The following SGPP1 variants were observed in gnomAD, a reference collection of about 807,000 sequenced individuals.
The protein encoded by SGPP1 is sphingosine-1-phosphate phosphatase 1.
SGPP1 carries 21 observed loss-of-function variants against 33.0 expected under a neutral mutation model. That is an observed-to-expected ratio of 0.64 (90% CI 0.45 to 0.92). SGPP1 has a LOEUF of 0.92. Among genes scored for constraint, SGPP1 ranks in the 40% least tolerant of loss-of-function variants. The pLI is 0.00. For missense variants in SGPP1, 543 were observed against 589.4 expected, an observed-to-expected ratio of 0.92 and a Z score of 0.81; for synonymous variants, 239 against 241.2, an observed-to-expected ratio of 0.99 and a Z score of 0.08.
chr14:63,688,752 C>T (rs1303603912), intron 2 of SGPP1, among the ~76,000 whole-genome samples: 2 of 146,138 alleles, frequency 1.4e-5, no homozygotes, highest in Admixed American at 6.9e-5. Flanking sequence ...GATGGAGTCT[C>T]GCTCTGTTGC....
chr14:63,690,227 T>G (rs1317868611), intron 2 of SGPP1, among the ~76,000 whole-genome samples: 4 of 152,326 alleles, frequency 2.6e-5, no homozygotes, highest in Admixed American at 2.6e-4. Context: ...GTATTTTTTG[T>G]AGACAAGGTT....
chr14:63,709,902 A>T (rs1243430397), intron 1 of SGPP1, among the ~76,000 whole-genome samples: 1 of 152,192 alleles, frequency 6.6e-6, no homozygotes, highest in Non-Finnish European at 1.5e-5. Context: ...CTTTCTCACT[A>T]TTATACATAA....
chr14:63,709,762 A>G (rs1345754542), intron 1 of SGPP1, among the ~76,000 whole-genome samples: 4 of 152,202 alleles, frequency 2.6e-5, no homozygotes, highest in Non-Finnish European at 5.9e-5. Flanking sequence ...AACAGATCAC[A>G]TGACATCCTA....
chr14:63,706,612 TC>T (rs925120586), intron 1 of SGPP1, among the ~76,000 whole-genome samples: 96 of 152,260 alleles, frequency 6.3e-4, no homozygotes, highest in African/African-American at 2.2e-3. Context: ...ACATAAGCCT[TC>T]AGCCACCAGC....
intron 1 of SGPP1, among the ~76,000 whole-genome samples, chr14:63,724,943 G>C (rs1034481933): frequency 2.0e-5 from 3 of 151,366 alleles, no homozygotes; most frequent in African/African-American, 7.3e-5. Context: ...CTTGAGCCCA[G>C]GAGTTCGAGA....
intron 1 of SGPP1, among the ~76,000 whole-genome samples, chr14:63,701,839 G>A (rs945471933): frequency 6.7e-6 from 1 of 148,586 alleles, no homozygotes; most frequent in Non-Finnish European, 1.5e-5. Flanking sequence ...TAACAGTGGT[G>A]TCTGTCTCTA....
chr14:63,698,232 G>A (rs1885226876), intron 2 of SGPP1, among the ~76,000 whole-genome samples: 1 of 152,160 alleles, frequency 6.6e-6, no homozygotes, highest in African/African-American at 2.4e-5. Context: ...AGCTCTCCTT[G>A]GTTTCTGTAG....
intron 1 of SGPP1, among the ~76,000 whole-genome samples, chr14:63,701,961 A>G (rs1885308801): frequency 6.6e-6 from 1 of 151,716 alleles, no homozygotes; most frequent in Admixed American, 6.6e-5. Context: ...AAAAAAAAAA[A>G]AAGTCAACTT....
intron 1 of SGPP1, among the ~76,000 whole-genome samples, chr14:63,721,926 G>A (rs1428876020): frequency 6.6e-6 from 1 of 152,114 alleles, no homozygotes; most frequent in Admixed American, 6.6e-5. Context: ...GTATATAAAA[G>A]CTATTCTCAT....
chr14:63,727,336 G>C lies in SGPP1; in HGVS notation c.609C>G (p.Ser203Arg). ...KLEVFYNSEY[S>R]MPSTHAMSGT... ...CGGACATGGCATGGGTGGAGGGCAT[G>C]CTGTACTCAGAGTTGTAGAAGACCT... Residue 203 changes from serine (S) to arginine (R), a missense_variant, in exon 1 of 3, where the codon AGC becomes AGG. Transcript: ENST00000247225. The C allele has an allele frequency of 6.2e-7, 1 of 1,614,162 alleles. No individual in the cohort carries two copies. Among genetic ancestry groups the C allele is most frequent in the Non-Finnish European group, 8.5e-7 (1 of 1,180,032 alleles).
At chr14:63,694,630 G>A (rs910462844) in intron 2 of SGPP1, among the ~76,000 whole-genome samples, 7 of 152,020 alleles carry the variant, frequency 4.6e-5, no homozygotes, top group Admixed American at 3.9e-4. Flanking sequence ...TCAAATTTAC[G>A]ACATAACCAT....
chr14:63,708,413 GC>G (rs2139644923), intron 1 of SGPP1, among the ~76,000 whole-genome samples: 2 of 150,862 alleles, frequency 1.3e-5, no homozygotes, highest in East Asian at 3.9e-4. Flanking sequence ...CCACCACCAT[GC>G]CCAGCTATTT....
Position 63,685,655 on chromosome 14 carries a change from ATC to A in SGPP1, c.*448_*449del, listed in dbSNP as rs1884955161. ...CCCATAGTAAATAAATGTTAAATAT[ATC>A]TGTTAATAACAACATACCTGTATGT... On this transcript the variant is annotated 3_prime_UTR_variant, in exon 3 of 3. Coordinates refer to ENST00000247225, the MANE Select transcript of SGPP1 (RefSeq NM_030791.4). 6.6e-6 allele frequency: 1 copy of A among 152,122 alleles called. No individual in the cohort carries two copies. Among genetic ancestry groups the A allele is most frequent in the Non-Finnish European group, 1.5e-5 (1 of 67,904 alleles). The allele number at this position is 152,122 out of a possible 1,614,324, so 9.4% of individuals were successfully genotyped here. A position where few individuals can be genotyped will look rare whatever the true frequency, so the allele number is the denominator to read the frequency against.
At position 63,687,970 on chromosome 14, in the gene SGPP1, A is replaced by T. The variant is rs1249677124; in HGVS notation, c.775-1314T>A. 2.0e-5 allele frequency among the ~76,000 whole-genome samples: 3 copies of T among 152,114 alleles called. No individual in the cohort carries two copies. In the East Asian group the frequency reaches 5.8e-4, roughly 29 times the overall value. On this transcript the variant is annotated intron_variant, in intron 2 of 2. Transcript: ENST00000247225. ...ACCCTGTCTCTACTAGAAATACAAAAGAAAATTAGCTGTGTGTGGTGGCAC... is the reference window on the plus strand; with the variant it reads ...ACCCTGTCTCTACTAGAAATACAAATGAAAATTAGCTGTGTGTGGTGGCAC...
Position 63,686,565 on chromosome 14 carries a change from T to A in SGPP1, c.866A>T (p.Lys289Ile). ...CCCGATGATGATGAATGGAGCATAT[T>A]TGTGAGTTTGGTTGAAGTTGTCAAT... ...DLIDNFNQTH[K>I]YAPFIIIGLH... is the part of the protein sequence containing the mutation. The change falls in exon 3 of 3, where the codon AAA (lysine) becomes ATA (isoleucine). Residue 289 changes from lysine to isoleucine, a missense_variant. By Grantham distance (102) the Lys-to-Ile change is moderately radical. Coordinates refer to ENST00000247225, the MANE Select transcript of SGPP1 (RefSeq NM_030791.4). The A allele has an allele frequency of 3.1e-6, 5 of 1,614,102 alleles. No individual in the cohort carries two copies. Among genetic ancestry groups the A allele is most frequent in the Non-Finnish European group, 4.2e-6 (5 of 1,179,992 alleles).
At chr14:63,713,367 C>T (rs905142582) in intron 1 of SGPP1, among the ~76,000 whole-genome samples, 2 of 152,082 alleles carry the variant, frequency 1.3e-5, no homozygotes, top group Non-Finnish European at 2.9e-5. Context: ...TCAATTCTAC[C>T]TCTTAATATC....
intron 2 of SGPP1, among the ~76,000 whole-genome samples, chr14:63,689,827 C>T (rs1175880553): frequency 6.6e-6 from 1 of 151,420 alleles, no homozygotes; most frequent in Non-Finnish European, 1.5e-5. Flanking sequence ...TCTAGTTTTG[C>T]TTCTTTCTGA....
chr14:63,722,502 G>A (rs1475691072), intron 1 of SGPP1, among the ~76,000 whole-genome samples: 1 of 151,550 alleles, frequency 6.6e-6, no homozygotes, highest in African/African-American at 2.4e-5. Context: ...CTGCACTCCA[G>A]CCTGGGCAAC....
intron 2 of SGPP1, among the ~76,000 whole-genome samples, chr14:63,687,261 T>C (rs1884999330): frequency 6.6e-6 from 1 of 151,910 alleles, no homozygotes; most frequent in African/African-American, 2.4e-5. Flanking sequence ...GGTAACATAG[T>C]GAATCCCTGT....
Sources: allele counts gnomAD v4.1 joint callset (sites outside exome capture counted in the v4.1 genomes callset), GRCh38; gene constraint gnomAD v4.1.1; transcripts MANE v1.5; gene names NCBI Gene and HGNC (gene_info 2026-07-23, HGNC 2026-07-21).